Variants in NRXN3 observed in about 807,000 individuals in gnomAD.
NRXN3 encodes the protein neurexin 3.
Under a neutral mutation model 137.6 loss-of-function variants are expected in NRXN3, and 32 were observed. The ratio of observed to expected loss-of-function variants is 0.23; its 90% CI spans 0.18 to 0.31. The LOEUF is 0.31. NRXN3 is among the 10% of genes least tolerant of loss of function. The pLI, the probability that NRXN3 is intolerant of heterozygous loss-of-function variation, is 1.00. For missense variants in NRXN3, 1,574 were observed against 2,062.5 expected (o/e 0.76, Z 4.59); for synonymous variants, 798 against 784.5 (o/e 1.02, Z -0.29).
chr14:78,917,453 C>T (rs1010518270), intron 10 of NRXN3, among the ~76,000 whole-genome samples: 15 of 151,840 alleles, frequency 9.9e-5, no homozygotes, highest in Admixed American at 2.6e-4. Flanking sequence ...ACCCTTAAAC[C>T]GAAAATTAAA....
At chr14:78,952,206 G>A (rs1174589987) in intron 10 of NRXN3, among the ~76,000 whole-genome samples, 1 of 151,316 alleles carries the variant, frequency 6.6e-6, no homozygotes, top group African/African-American at 2.4e-5. Context: ...TGCCAAACGG[G>A]CTCTAAAAAT....
intron 8 of NRXN3, among the ~76,000 whole-genome samples, chr14:78,753,181 A>G (rs2152956223): frequency 1.3e-5 from 2 of 152,320 alleles, no homozygotes; most frequent in East Asian, 3.9e-4. Context: ...CTGAATATGA[A>G]AACATGGATG....
intron 8 of NRXN3, among the ~76,000 whole-genome samples, chr14:78,752,448 T>A (rs1342980996): frequency 6.6e-6 from 1 of 152,108 alleles, no homozygotes; most frequent in Non-Finnish European, 1.5e-5. Context: ...AAAAGGAGAA[T>A]AATAATGTCA....
In NRXN3 at chr14:78,651,272, C is replaced by T. The variant is rs773977163; in HGVS notation, c.1167C>T (p.Thr389=). ...DFFYVGGSPS[T]ADLPGSPVSN... ...TCTATGTAGGAGGAAGCCCAAGTAC[C>T]GCTGACTTGCCTGGCTCCCCTGTCA... The change falls in exon 6 of 21, where the codon ACC becomes ACT. Residue 389 remains threonine (T), a synonymous_variant. Coordinates refer to ENST00000335750, the MANE Select transcript of NRXN3 (RefSeq NM_001330195.2). 25 of 1,613,974 alleles carry T rather than the reference C, an allele frequency of 1.5e-5. No homozygotes were observed. Among genetic ancestry groups the T allele is most frequent in the African/African-American group, 4.0e-5 (3 of 74,900 alleles).
intron 16 of NRXN3, among the ~76,000 whole-genome samples, chr14:79,607,076 A>G (rs570536803): frequency 6.6e-6 from 1 of 152,322 alleles, no homozygotes; most frequent in South Asian, 2.1e-4. Flanking sequence ...ATTTGTGTGC[A>G]CTTGTGGGTA....
chr14:78,915,842 C>A (rs185654649), intron 10 of NRXN3, among the ~76,000 whole-genome samples: 47 of 152,208 alleles, frequency 3.1e-4, no homozygotes, highest in Non-Finnish European at 3.5e-4. Context: ...TGACAAGATA[C>A]TCAAGACTCC....
chr14:79,127,731 A>C (rs545692001), intron 15 of NRXN3, among the ~76,000 whole-genome samples: 2 of 152,264 alleles, frequency 1.3e-5, no homozygotes, highest in East Asian at 3.9e-4. Flanking sequence ...TGGTAGCTTT[A>C]TGGGGATGGT....
intron 19 of NRXN3, among the ~76,000 whole-genome samples, chr14:79,762,175 G>A (rs145868619): frequency 6.6e-6 from 1 of 151,568 alleles, no homozygotes; most frequent in African/African-American, 2.4e-5. Context: ...AATCAGTCTG[G>A]GTGACTTCAT....
At chr14:79,024,321 G>A (rs1395511880) in intron 15 of NRXN3, among the ~76,000 whole-genome samples, 2 of 152,076 alleles carry the variant, frequency 1.3e-5, no homozygotes, top group Admixed American at 6.6e-5. Flanking sequence ...TGAAACACAA[G>A]TGCCTCAAAT....
intron 10 of NRXN3, among the ~76,000 whole-genome samples, chr14:78,875,236 G>A (rs2099111228): frequency 6.6e-6 from 1 of 152,206 alleles, no homozygotes; most frequent in African/African-American, 2.4e-5. Flanking sequence ...AAAGTGAAAA[G>A]ACATAGTGTG....
At chr14:78,316,305 G>A (rs1345230273) in intron 4 of NRXN3, among the ~76,000 whole-genome samples, 1 of 151,880 alleles carries the variant, frequency 6.6e-6, no homozygotes, top group Non-Finnish European at 1.5e-5. Context: ...GCAGACAGCT[G>A]TGGGGGTAGG....
intron 4 of NRXN3, among the ~76,000 whole-genome samples, chr14:78,374,104 C>G (rs114256251): frequency 6.6e-6 from 1 of 152,094 alleles, no homozygotes; most frequent in Admixed American, 6.6e-5. Context: ...CATATAGATA[C>G]GTGTTTAGTG....
In NRXN3 at chr14:78,226,782, C is replaced by T. The variant is rs535623863; in HGVS notation, c.-703-15609C>T. ...AATTTTTTTTGCTGTTAAGTAAAACCTGAAACTTGGTAGAGAAAGATGTAA... is the reference window on the plus strand; with the variant it reads ...AATTTTTTTTGCTGTTAAGTAAAACTTGAAACTTGGTAGAGAAAGATGTAA... On this transcript the variant is annotated intron_variant, in intron 1 of 20. Transcript: ENST00000335750. Among the ~76,000 whole-genome samples the T allele has an allele frequency of 3.3e-5, 5 of 151,978 alleles. No individual in the cohort carries two copies. The South Asian group carries it at 1.0e-3, about 32-fold the overall frequency.
chr14:78,529,362 G>T (rs141850559), intron 4 of NRXN3, among the ~76,000 whole-genome samples: 2 of 152,094 alleles, frequency 1.3e-5, no homozygotes, highest in Non-Finnish European at 2.9e-5. Context: ...CCCTGAGTTG[G>T]GTGTAAATGG....
chr14:79,701,125 A>C lies in NRXN3; in HGVS notation c.4014+3188A>C, dbSNP rs537303194. ...CACAGTGATCAGGGTGCTTTGGCCA[A>C]ATTTGTTGTATTTTTCAGTAGTAAG... On this transcript the variant is annotated intron_variant, in intron 19 of 20. Transcript: ENST00000335750. Among the ~76,000 whole-genome samples the C allele has an allele frequency of 5.3e-5, 8 of 152,072 alleles. No homozygotes were observed. In the East Asian group the frequency reaches 1.4e-3, roughly 26 times the overall value.
chr14:78,830,198 C>G (rs1174888356), intron 10 of NRXN3, among the ~76,000 whole-genome samples: 1 of 152,106 alleles, frequency 6.6e-6, no homozygotes, highest in Non-Finnish European at 1.5e-5. Context: ...ATAAGGCTGA[C>G]ATTATCATTT....
intron 15 of NRXN3, among the ~76,000 whole-genome samples, chr14:79,373,844 C>T (rs2094183539): frequency 6.6e-6 from 1 of 152,026 alleles, no homozygotes; most frequent in South Asian, 2.1e-4. Context: ...GTCCCACGAG[C>T]TTACTATCTA....
chr14:79,528,658 T>TA (rs34298385), intron 16 of NRXN3, among the ~76,000 whole-genome samples: 1 of 150,810 alleles, frequency 6.6e-6, no homozygotes. Flanking sequence ...ATGTGTATGG[T>TA]AAAAAAAAAA....
intron 16 of NRXN3, among the ~76,000 whole-genome samples, chr14:79,504,674 T>TATATATATATATATATATATATATATAA (rs1464757508): frequency 1.4e-5 from 2 of 143,462 alleles, no homozygotes; most frequent in Admixed American, 6.9e-5. Context: ...TATATATATA[T>TATATATATATATATATATATATATATAA]AAAACATTAC....
Sources: gnomAD v4.1 joint callset for allele counts (sites outside exome capture counted in the v4.1 genomes callset) on GRCh38, gnomAD v4.1.1 for gene constraint, MANE v1.5 for transcripts, NCBI Gene and HGNC (gene_info 2026-07-23, HGNC 2026-07-21) for gene names.